The following LRRC4C variants were observed in gnomAD, a reference collection of about 807,000 sequenced individuals.
LRRC4C encodes leucine-rich repeat-containing protein 4C.
LRRC4C carries 5 observed loss-of-function variants against 33.6 expected under a neutral mutation model. The ratio of observed to expected loss-of-function variants is 0.15; its 90% CI spans 0.08 to 0.31. LRRC4C has a LOEUF of 0.31. Among genes scored for constraint, LRRC4C ranks in the 10% least tolerant of loss-of-function variants. The pLI is 1.00. For synonymous variants in LRRC4C, 329 were observed against 302.0 expected, an observed-to-expected ratio of 1.09 and a Z score of -0.93; for missense variants, 560 against 796.7, an observed-to-expected ratio of 0.70 and a Z score of 3.58.
intron 5 of LRRC4C, among the ~76,000 whole-genome samples, chr11:40,224,885 T>C (rs921035081): frequency 2.0e-5 from 3 of 152,220 alleles, no homozygotes; most frequent in Non-Finnish European, 2.9e-5. Flanking sequence ...GTCATTTCAC[T>C]TCCCATCCTC....
intron 2 of LRRC4C, among the ~76,000 whole-genome samples, chr11:40,696,100 T>TA (rs1430932414): frequency 2.0e-5 from 3 of 147,436 alleles, no homozygotes; most frequent in Non-Finnish European, 3.0e-5. Context: ...TGTGTGTATA[T>TA]ATATATATAT....
intron 2 of LRRC4C, among the ~76,000 whole-genome samples, chr11:40,748,238 A>C (rs562266402): frequency 1.3e-5 from 2 of 152,092 alleles, no homozygotes; most frequent in Non-Finnish European, 2.9e-5. Flanking sequence ...AGGTCAGCAA[A>C]GAATAGGATA....
At chr11:40,727,651 T>A (rs1025159992) in intron 2 of LRRC4C, among the ~76,000 whole-genome samples, 1 of 152,062 alleles carries the variant, frequency 6.6e-6, no homozygotes, top group Non-Finnish European at 1.5e-5. Flanking sequence ...TCACAAACTA[T>A]GCATTCAACA....
chr11:40,550,900 T>C (rs1048561101), intron 3 of LRRC4C, among the ~76,000 whole-genome samples: 4 of 152,142 alleles, frequency 2.6e-5, no homozygotes, highest in African/African-American at 4.8e-5. Flanking sequence ...AAGAGGTATA[T>C]CACTCCCATG....
At chr11:40,295,530 T>A (rs1590934358) in intron 4 of LRRC4C, among the ~76,000 whole-genome samples, 1 of 152,162 alleles carries the variant, frequency 6.6e-6, no homozygotes, top group East Asian at 1.9e-4. Context: ...CAGAGACATA[T>A]CTAAGTTTAT....
intron 2 of LRRC4C, among the ~76,000 whole-genome samples, chr11:40,841,234 T>G (rs1565121826): frequency 6.6e-6 from 1 of 152,210 alleles, no homozygotes; most frequent in African/African-American, 2.4e-5. Flanking sequence ...ATATACCTGC[T>G]TGCTAAAACT....
chr11:41,014,508 G>C (rs1855442140), intron 1 of LRRC4C, among the ~76,000 whole-genome samples: 1 of 147,658 alleles, frequency 6.8e-6, no homozygotes, highest in Non-Finnish European at 1.5e-5. Context: ...TTTTTTCTGA[G>C]CCAAGATTTT....
At chr11:41,090,201 A>G (rs1028957190) in intron 1 of LRRC4C, among the ~76,000 whole-genome samples, 17 of 152,138 alleles carry the variant, frequency 1.1e-4, no homozygotes, top group African/African-American at 4.1e-4. Context: ...AATATGAGTT[A>G]TATAGGGAGA....
At chr11:40,660,515 G>A in intron 2 of LRRC4C, among the ~76,000 whole-genome samples, 1 of 152,330 alleles carries the variant, frequency 6.6e-6, no homozygotes, top group East Asian at 1.9e-4. Context: ...CTAACCTTCT[G>A]AGGATGGCTT....
intron 5 of LRRC4C, among the ~76,000 whole-genome samples, chr11:40,207,832 A>C (rs1863271840): frequency 6.6e-6 from 1 of 152,176 alleles, no homozygotes; most frequent in African/African-American, 2.4e-5. Flanking sequence ...TAGAACCATG[A>C]AAAATTAGAC....
At chr11:40,814,624 T>C (rs181322982) in intron 2 of LRRC4C, among the ~76,000 whole-genome samples, 5 of 152,006 alleles carry the variant, frequency 3.3e-5, no homozygotes, top group East Asian at 3.9e-4. Context: ...TTCTTTTCTA[T>C]TGCATTGTCA....
chr11:41,431,732 G>A (rs1024163519), intron 1 of LRRC4C, among the ~76,000 whole-genome samples: 5 of 151,982 alleles, frequency 3.3e-5, no homozygotes, highest in East Asian at 1.9e-4. Context: ...AACTACCGCC[G>A]ACAATATTAA....
At chr11:40,470,720 G>C (rs1209513888) in intron 3 of LRRC4C, among the ~76,000 whole-genome samples, 1 of 152,108 alleles carries the variant, frequency 6.6e-6, no homozygotes, top group African/African-American at 2.4e-5. Flanking sequence ...AATACAGCAC[G>C]AGACCTTTGT....
intron 5 of LRRC4C, among the ~76,000 whole-genome samples, chr11:40,145,994 T>C (rs1590516135): frequency 6.6e-6 from 1 of 152,164 alleles, no homozygotes; most frequent in South Asian, 2.1e-4. Context: ...CCTAGTTTAA[T>C]AGGAGAGAGC....
intron 5 of LRRC4C, among the ~76,000 whole-genome samples, chr11:40,198,665 A>G (rs1261857428): frequency 2.0e-5 from 3 of 152,224 alleles, no homozygotes; most frequent in East Asian, 3.8e-4. Flanking sequence ...ATCCGTGCCC[A>G]TAGGCCTTTC....
chr11:40,373,119 T>C (rs1298106984), intron 3 of LRRC4C, among the ~76,000 whole-genome samples: 1 of 152,012 alleles, frequency 6.6e-6, no homozygotes, highest in Non-Finnish European at 1.5e-5. Context: ...GGTTTCCTAA[T>C]TATAAAGTCA....
At chr11:40,634,721 A>T (rs75048425) in intron 3 of LRRC4C, among the ~76,000 whole-genome samples, 35,041 of 129,580 alleles carry the variant, frequency 0.27, 5,031 homozygotes, top group Middle Eastern at 0.35. Flanking sequence ...ATAAGAAAAT[A>T]AAAAAAAAAA....
intron 3 of LRRC4C, among the ~76,000 whole-genome samples, chr11:40,429,801 T>C (rs143345951): frequency 1.4e-4 from 22 of 152,308 alleles, no homozygotes; most frequent in African/African-American, 5.1e-4. Flanking sequence ...ATTTATTGCA[T>C]TTTTGCAAGA....
chr11:40,976,115 C>T (rs1852069037), intron 1 of LRRC4C, among the ~76,000 whole-genome samples: 2 of 152,158 alleles, frequency 1.3e-5, no homozygotes, highest in Non-Finnish European at 2.9e-5. Context: ...GCTTAACAAA[C>T]TTTTTATGAT....
Sources: allele counts gnomAD v4.1 joint callset (sites outside exome capture counted in the v4.1 genomes callset), GRCh38; gene constraint gnomAD v4.1.1; transcripts MANE v1.5; gene names NCBI Gene and HGNC (gene_info 2026-07-23, HGNC 2026-07-21).